The following TENM3 variants were observed in gnomAD, a reference collection of about 807,000 sequenced individuals.
TENM3 encodes teneurin transmembrane protein 3.
In TENM3, 63 loss-of-function variants were observed where a neutral mutation model predicts 255.1. That is an observed-to-expected ratio of 0.25 (90% CI 0.20 to 0.30). TENM3 has a LOEUF of 0.30. Ranked by LOEUF, TENM3 falls within the 10% of genes least tolerant of loss-of-function variation. The pLI is 1.00. For synonymous variants in TENM3, 1,306 were observed against 1,322.3 expected (o/e 0.99, Z 0.27); for missense variants, 2,929 against 3,461.1 (o/e 0.85, Z 3.86).
rs1173569700 is a variant in TENM3 at position 182,315,260 on chromosome 4, G to A, written c.-75-8686G>A. ...CCTTTGTATAGGTACTTATTTCTATGTGATTTTGTTTTTATTTTGCCTGAA... is the reference window on the plus strand; with the variant it reads ...CCTTTGTATAGGTACTTATTTCTATATGATTTTGTTTTTATTTTGCCTGAA... On this transcript the variant is annotated intron_variant, in intron 1 of 27. Coordinates refer to ENST00000511685, the MANE Select transcript of TENM3 (RefSeq NM_001080477.4). Among the ~76,000 whole-genome samples the A allele has an allele frequency of 2.6e-5, 4 of 152,216 alleles. No individual in the cohort carries two copies. In the East Asian group the frequency reaches 7.7e-4, roughly 29 times the overall value.
the TENM3 span, among the ~76,000 whole-genome samples, chr4:182,129,731 G>A: frequency 7.9e-5 from 12 of 152,152 alleles, no homozygotes; most frequent in Admixed American, 1.3e-4. Flanking sequence ...TTCTTTTATA[G>A]GTAAAAGTAT....
At chr4:181,485,489 T>TAAAA in the TENM3 span, among the ~76,000 whole-genome samples, 1 of 151,468 alleles carries the variant, frequency 6.6e-6, no homozygotes, top group Non-Finnish European at 1.5e-5. Flanking sequence ...AGATTTTTTT[T>TAAAA]AAAAAAAAGA....
chr4:181,952,628 A>G, the TENM3 span, among the ~76,000 whole-genome samples: 8 of 152,246 alleles, frequency 5.3e-5, no homozygotes, highest in African/African-American at 1.4e-4. Flanking sequence ...AATGACTCAG[A>G]CAGACTTTAG....
chr4:181,663,559 A>G, the TENM3 span, among the ~76,000 whole-genome samples: 1 of 152,210 alleles, frequency 6.6e-6, no homozygotes, highest in Non-Finnish European at 1.5e-5. Context: ...ATTCTAAATG[A>G]GAGTATTAGG....
chr4:182,169,676 C>T (rs1030010642), intron 1 of TENM3, among the ~76,000 whole-genome samples: 11 of 151,986 alleles, frequency 7.2e-5, no homozygotes, highest in African/African-American at 2.4e-4. Flanking sequence ...TAATAACTTC[C>T]GGTGTAATTT....
chr4:182,023,366 T>G, the TENM3 span, among the ~76,000 whole-genome samples: 1 of 152,348 alleles, frequency 6.6e-6, no homozygotes, highest in Admixed American at 6.5e-5. Flanking sequence ...AATCTGAGAA[T>G]ACGTCTAGAG....
the TENM3 span, among the ~76,000 whole-genome samples, chr4:181,666,744 A>G: frequency 6.6e-6 from 1 of 152,186 alleles, no homozygotes; most frequent in Admixed American, 6.5e-5. Flanking sequence ...ATTGTTAACA[A>G]CTGCCATTGC....
chr4:182,034,501 T>G, the TENM3 span, among the ~76,000 whole-genome samples: 2 of 152,194 alleles, frequency 1.3e-5, no homozygotes. Flanking sequence ...TGTACTTCAG[T>G]GTATTTTTGT....
chr4:181,658,863 G>A, the TENM3 span, among the ~76,000 whole-genome samples: 6 of 152,120 alleles, frequency 3.9e-5, no homozygotes, highest in Non-Finnish European at 8.8e-5. Context: ...GATGGAGCCA[G>A]GACACTCTAC....
chr4:182,139,925 C>T (rs1448888813), upstream of TENM3, among the ~76,000 whole-genome samples: 1 of 152,176 alleles, frequency 6.6e-6, no homozygotes, highest in African/African-American at 2.4e-5. Context: ...TTCAGTGGCT[C>T]CAAAATGCAT....
At chr4:182,119,247 A>G in the TENM3 span, among the ~76,000 whole-genome samples, 1 of 152,160 alleles carries the variant, frequency 6.6e-6, no homozygotes. Flanking sequence ...AAATGCTCCG[A>G]TGTATTTCGA....
chr4:181,886,968 G>A, the TENM3 span, among the ~76,000 whole-genome samples: 1 of 152,118 alleles, frequency 6.6e-6, no homozygotes, highest in African/African-American at 2.4e-5. Context: ...AATAAAATCT[G>A]GGAGCTAGAG....
At chr4:181,577,140 A>G in the TENM3 span, among the ~76,000 whole-genome samples, 1,562 of 134,440 alleles carry the variant, frequency 0.012, 104 homozygotes, top group Admixed American at 0.087. Flanking sequence ...ATAATATAAT[A>G]TATAATTAAT....
At chr4:181,657,976 C>A in the TENM3 span, among the ~76,000 whole-genome samples, 1 of 151,940 alleles carries the variant, frequency 6.6e-6, no homozygotes, top group Non-Finnish European at 1.5e-5. Context: ...ACAGACACTG[C>A]GGACTCTAAA....
At chr4:182,137,902 G>A in the TENM3 span, among the ~76,000 whole-genome samples, 1 of 152,166 alleles carries the variant, frequency 6.6e-6, no homozygotes, top group Non-Finnish European at 1.5e-5. Flanking sequence ...ATAGAATTCT[G>A]TTGTATTCTT....
intron 1 of TENM3, among the ~76,000 whole-genome samples, chr4:182,152,874 A>G (rs1486765636): frequency 1.3e-5 from 2 of 151,860 alleles, no homozygotes; most frequent in African/African-American, 4.8e-5. Flanking sequence ...TAAATATTAA[A>G]TTTATTTTAA....
intron 3 of TENM3, among the ~76,000 whole-genome samples, chr4:182,528,284 A>G (rs186005682): frequency 6.2e-4 from 95 of 152,082 alleles, no homozygotes; most frequent in Non-Finnish European, 1.1e-3. Context: ...CGTCCAGCTA[A>G]TTTTTGTATT....
At chr4:182,012,444 G>A in the TENM3 span, among the ~76,000 whole-genome samples, 3 of 152,082 alleles carry the variant, frequency 2.0e-5, no homozygotes, top group African/African-American at 7.2e-5. Flanking sequence ...AGAAGACCAC[G>A]CATTCTGAAC....
the TENM3 span, among the ~76,000 whole-genome samples, chr4:181,699,580 C>CA: frequency 6.7e-6 from 1 of 148,266 alleles, no homozygotes; most frequent in African/African-American, 2.5e-5. Flanking sequence ...GAGATACATA[C>CA]AAAATATAAT....
Sources: gnomAD v4.1 joint callset for allele counts (sites outside exome capture counted in the v4.1 genomes callset) on GRCh38, gnomAD v4.1.1 for gene constraint, MANE v1.5 for transcripts, NCBI Gene and HGNC (gene_info 2026-07-23, HGNC 2026-07-21) for gene names.